UBA2: variants seen among roughly 807,000 people sequenced by gnomAD.
UBA2 encodes ubiquitin like modifier activating enzyme 2.
A neutral mutation model predicts 77.2 loss-of-function variants in UBA2; 11 were observed. That is an observed-to-expected ratio of 0.14 (90% CI 0.09 to 0.24). The LOEUF is 0.24. Among genes scored for constraint, UBA2 ranks in the 10% least tolerant of loss-of-function variants. The pLI is 1.00. For missense variants in UBA2, 487 were observed against 781.7 expected (o/e 0.62, Z 4.50); for synonymous variants, 278 against 276.7 (o/e 1.00, Z -0.05).
At chr19:34,463,815 A>G (rs1319880432) in intron 14 of UBA2, among the ~76,000 whole-genome samples, 1 of 148,182 alleles carries the variant, frequency 6.7e-6, no homozygotes, top group Non-Finnish European at 1.5e-5. Flanking sequence ...AGCCCACCCT[A>G]CTTGCCCCAT....
At chr19:34,455,220 C>T (rs1025457706) in intron 12 of UBA2, among the ~76,000 whole-genome samples, 1 of 152,158 alleles carries the variant, frequency 6.6e-6, no homozygotes, top group African/African-American at 2.4e-5. Context: ...CAAACCTGCA[C>T]GTGCCCTATG....
At chr19:34,464,568 AAAAG>A (rs1263765526) in intron 15 of UBA2, among the ~76,000 whole-genome samples, 4 of 152,014 alleles carry the variant, frequency 2.6e-5, no homozygotes, top group East Asian at 1.9e-4. Context: ...AAAAAAAAAA[AAAAG>A]AAAACCAGAA....
rs931571539 is a variant in UBA2, at chr19:34,443,726, C to T, written c.582-118C>T. The T allele has an allele frequency of 1.3e-5, 9 of 710,188 alleles. No individual in the cohort carries two copies. In the African/African-American group the frequency reaches 1.6e-4, roughly 13 times the overall value. The allele number at this position is 710,188 out of a possible 1,614,324, so 44.0% of individuals were successfully genotyped here. ...AAATGTTGGGATTAAAGGTGTGAGC[C>T]ACTGCGCCCAGCCAGTTGTTCAGTC... is the stretch of plus-strand genomic sequence containing the variant. On this transcript the variant is annotated intron_variant, in intron 6 of 16. Transcript: ENST00000246548.
At chr19:34,446,792 A>G (rs1373214898) in intron 8 of UBA2, among the ~76,000 whole-genome samples, 1 of 151,704 alleles carries the variant, frequency 6.6e-6, no homozygotes, top group African/African-American at 2.4e-5. Flanking sequence ...TTTTTAGTAG[A>G]TAGGGGGTTT....
At chr19:34,452,551 C>T (rs2075513033) in intron 10 of UBA2, among the ~76,000 whole-genome samples, 1 of 152,100 alleles carries the variant, frequency 6.6e-6, no homozygotes, top group African/African-American at 2.4e-5. Context: ...ATTACTATTT[C>T]AGAGGTCTGA....
At chr19:34,447,728 C>CATTAAGTTCAGATGCTTTGCAGCCCTTGA (rs2075447360) in intron 8 of UBA2, among the ~76,000 whole-genome samples, 1 of 152,204 alleles carries the variant, frequency 6.6e-6, no homozygotes, top group Non-Finnish European at 1.5e-5. Context: ...GTCTTAATGA[C>CATTAAGTTCAGATGCTTTGCAGCCCTTGA]ATTAAGTTCA....
intron 8 of UBA2, among the ~76,000 whole-genome samples, chr19:34,449,856 C>T (rs781313344): frequency 6.6e-6 from 1 of 152,176 alleles, no homozygotes; most frequent in Non-Finnish European, 1.5e-5. Context: ...AGCTTGGAGG[C>T]ATTGCTGACT....
chr19:34,458,731 C>G, intron 12 of UBA2, 38 bp from the exon 13 acceptor site: 1 of 1,578,788 alleles, frequency 6.3e-7, no homozygotes, highest in Non-Finnish European at 8.6e-7. Context: ...AAAATTACAG[C>G]ACGTTTCCGA....
At position 34,428,394 on chromosome 19, in the gene UBA2, C is replaced by A. The variant is rs2287830; in HGVS notation, c.-39C>A. 4.6e-4 allele frequency: 562 copies of A among 1,234,916 alleles called. 10 individuals carry two copies. The East Asian group carries it at 0.018, about 39-fold the overall frequency. The allele number at this position is 1,234,916 out of a possible 1,614,324, so 76.5% of individuals were successfully genotyped here. A position where few individuals can be genotyped will look rare whatever the true frequency, so the allele number is the denominator to read the frequency against. Reference sequence around the variant, plus strand: ...CCGCTTCCGGCCGCGGCTCGGTTCTCCCGCCTCCGCCTCCGCCGCGGCTCG... The same window carrying A: ...CCGCTTCCGGCCGCGGCTCGGTTCTACCGCCTCCGCCTCCGCCGCGGCTCG... On this transcript the variant is annotated 5_prime_UTR_variant, in exon 1 of 17. Transcript: ENST00000246548.
intron 12 of UBA2, among the ~76,000 whole-genome samples, chr19:34,455,247 T>C (rs1196042622): frequency 6.6e-6 from 1 of 152,184 alleles, no homozygotes; most frequent in African/African-American, 2.4e-5. Flanking sequence ...TCATGAATTA[T>C]ATGGGAAGAT....
At position 34,428,537 on chromosome 19, in the gene UBA2, T is replaced by C; in HGVS notation, c.105T>C (p.Asn35=). Residue 35 remains asparagine (N), a synonymous_variant, in exon 1 of 17, where the codon AAT becomes AAC. Coordinates refer to ENST00000246548, the MANE Select transcript of UBA2 (RefSeq NM_005499.3). ...AGGIGCELLK[N]LVLTGFSHID... ...GCATCGGCTGCGAGCTCCTCAAGAA[T>C]CTCGTGCTCACCGGTTTCTCCCACA... The C allele has an allele frequency of 7.7e-7, 1 of 1,306,486 alleles. No homozygotes were observed. The highest frequency in any genetic ancestry group is 9.8e-7 in the Non-Finnish European group (1 of 1,019,478). The allele number at this position is 1,306,486 out of a possible 1,614,324, so 80.9% of individuals were successfully genotyped here. A position where few individuals can be genotyped will look rare whatever the true frequency, so the allele number is the denominator to read the frequency against.
chr19:34,446,545 C>G (rs977584266), intron 8 of UBA2, among the ~76,000 whole-genome samples: 1 of 152,030 alleles, frequency 6.6e-6, no homozygotes, highest in African/African-American at 2.4e-5. Context: ...ACTGCTCTCC[C>G]CAGCTTGTAT....
chr19:34,430,967 G>A (rs1461548704), intron 2 of UBA2, among the ~76,000 whole-genome samples: 2 of 152,078 alleles, frequency 1.3e-5, no homozygotes, highest in African/African-American at 4.8e-5. Context: ...CTATGTTTGG[G>A]GGCTAGAGGA....
At chr19:34,457,056 C>T (rs1482906333) in intron 12 of UBA2, among the ~76,000 whole-genome samples, 2 of 149,516 alleles carry the variant, frequency 1.3e-5, no homozygotes, top group African/African-American at 2.5e-5. Context: ...TGGCCGGGCA[C>T]GATGGCTCAC....
intron 2 of UBA2, among the ~76,000 whole-genome samples, chr19:34,431,256 T>TC: frequency 7.3e-6 from 1 of 136,962 alleles, no homozygotes; most frequent in Non-Finnish European, 1.6e-5. Context: ...TTTTTTTTTT[T>TC]TTTTTTTTTT....
rs1410683829 is a variant in UBA2 at position 34,471,249 on chromosome 19, T to A, written c.*2028T>A. ...TTCAACTAAATTTTAAATTTCTAAT[T>A]CATGTATTGTTCCTTGTGTAATTTG... On this transcript the variant is annotated 3_prime_UTR_variant, in exon 17 of 17. Transcript: ENST00000246548. The A allele has an allele frequency of 6.6e-6, 1 of 152,218 alleles. No homozygotes were observed. The highest frequency in any genetic ancestry group is 1.5e-5 in the Non-Finnish European group (1 of 68,052). 9.4% of individuals were successfully genotyped at this position (152,218 alleles called of 1,614,324 possible). A position where few individuals can be genotyped will look rare whatever the true frequency, so the allele number is the denominator to read the frequency against.
At chr19:34,461,857 T>A (rs1353623580) in intron 14 of UBA2, among the ~76,000 whole-genome samples, 1 of 152,170 alleles carries the variant, frequency 6.6e-6, no homozygotes, top group East Asian at 1.9e-4. Context: ...GGAAAGTATA[T>A]TCAGCTTTGT....
intron 5 of UBA2, among the ~76,000 whole-genome samples, chr19:34,437,249 A>G (rs1160245892): frequency 2.0e-5 from 3 of 150,398 alleles, no homozygotes; most frequent in Admixed American, 6.6e-5. Flanking sequence ...GGTATGAGCC[A>G]CCACGCCCGG....
chr19:34,441,337 C>T lies in UBA2; in HGVS notation c.582-2507C>T, dbSNP rs1362410729. Among the ~76,000 whole-genome samples the T allele has an allele frequency of 8.5e-5, 13 of 152,160 alleles. No homozygotes were observed. In the East Asian group the frequency reaches 2.3e-3, roughly 27 times the overall value. On this transcript the variant is annotated intron_variant, in intron 6 of 16. Transcript: ENST00000246548. Reference sequence around the variant, plus strand: ...GGATGTGGTGGTGGGTGCCTGTAGTCCCAGCTGCTCAGGAGGCTGAGGCAG... The same window carrying T: ...GGATGTGGTGGTGGGTGCCTGTAGTTCCAGCTGCTCAGGAGGCTGAGGCAG...
Sources: allele counts gnomAD v4.1 joint callset (sites outside exome capture counted in the v4.1 genomes callset), GRCh38; gene constraint gnomAD v4.1.1; transcripts MANE v1.5; gene names NCBI Gene and HGNC (gene_info 2026-07-23, HGNC 2026-07-21).